Variants in ZNF225 observed in about 807,000 individuals in gnomAD.
ZNF225 encodes the protein zinc finger protein 225.
ZNF225 carries 6 observed loss-of-function variants against 12.0 expected under a neutral mutation model. The ratio of observed to expected loss-of-function variants is 0.50; its 90% CI spans 0.27 to 0.98. The LOEUF (loss-of-function observed/expected upper bound fraction) is 0.98. Among genes scored for constraint, ZNF225 ranks in the 50% least tolerant of loss-of-function variants. ZNF225 has a pLI of 0.11. For missense variants in ZNF225, 763 were observed against 848.2 expected (o/e 0.90, Z 1.25); for synonymous variants, 271 against 283.2 (o/e 0.96, Z 0.43).
intron 4 of ZNF225, among the ~76,000 whole-genome samples, chr19:44,122,697 T>C (rs893278910): frequency 3.3e-5 from 5 of 152,198 alleles, no homozygotes; most frequent in African/African-American, 9.7e-5. Context: ...TAGTTTTCCT[T>C]GTAGAGGTCT....
intron 4 of ZNF225, among the ~76,000 whole-genome samples, chr19:44,128,206 T>G (rs1449844731): frequency 6.6e-6 from 1 of 152,238 alleles, no homozygotes; most frequent in African/African-American, 2.4e-5. Flanking sequence ...AAGTCACACA[T>G]CTGAATGTTG....
At position 44,130,775 on chromosome 19, in the gene ZNF225, T is replaced by C; in HGVS notation, c.236-75T>C. On this transcript the variant is annotated intron_variant, in intron 4 of 4. Coordinates refer to ENST00000262894, the MANE Select transcript of ZNF225 (RefSeq NM_013362.4). ...ATATTTATTAAAATTTCAGGCTATG[T>C]CCTAAGTATGAAATCTTGATAACAC... 10 of 1,318,368 alleles carry C rather than the reference T, an allele frequency of 7.6e-6. No individual in the cohort carries two copies. The South Asian group carries it at 1.2e-4, about 15-fold the overall frequency. 81.7% of individuals were successfully genotyped at this position (1,318,368 alleles called of 1,614,324 possible).
At chr19:44,115,143 C>CAA (rs1967917139) in intron 1 of ZNF225, among the ~76,000 whole-genome samples, 1 of 143,070 alleles carries the variant, frequency 7.0e-6, no homozygotes, top group Admixed American at 7.0e-5. Flanking sequence ...AGAATCCAGT[C>CAA]TTATTAAGTT....
At chr19:44,113,971 C>G (rs974236228) in intron 1 of ZNF225, 31 of 280,314 alleles carry the variant, frequency 1.1e-4, no homozygotes, top group African/African-American at 5.4e-4. Context: ...GAAACTCCAG[C>G]TGCAGGGGCA....
At position 44,131,937 on chromosome 19, in the gene ZNF225, G is replaced by C. The variant is rs1180838662; in HGVS notation, c.1323G>C (p.Leu441Phe). The change falls in exon 5 of 5, where the codon TTG (leucine) becomes TTC (phenylalanine). Residue 441 changes from leucine to phenylalanine, a missense_variant. By Grantham distance (22) the Leu-to-Phe change is conservative. Transcript: ENST00000262894. ...EECGKGYKRR[L>F]DLDFHQRVHR... is the part of the protein sequence containing the mutation. ...GTGGGAAGGGCTACAAAAGGAGGTT[G>C]GATCTTGACTTTCATCAGAGGGTCC... is the stretch of plus-strand genomic sequence containing the variant. The C allele has an allele frequency of 6.2e-7, 1 of 1,610,348 alleles. No homozygotes were observed. Among genetic ancestry groups the C allele is most frequent in the Non-Finnish European group, 8.5e-7 (1 of 1,178,870 alleles).
At position 44,132,898 on chromosome 19, in the gene ZNF225, G is replaced by A. The variant is rs772062065; in HGVS notation, c.*163G>A. ...TGTCCTAGCTATTTGAAAATAATAC[G>A]TTGTTAATTACTGTCACCCTGTAGT... On this transcript the variant is annotated 3_prime_UTR_variant, in exon 5 of 5. Coordinates refer to ENST00000262894, the MANE Select transcript of ZNF225 (RefSeq NM_013362.4). 3.3e-5 allele frequency: 21 copies of A among 629,950 alleles called. No individual in the cohort carries two copies. Among genetic ancestry groups the A allele is most frequent in the South Asian group, 4.6e-5 (2 of 43,022 alleles). The allele number at this position is 629,950 out of a possible 1,614,324, so 39.0% of individuals were successfully genotyped here.
At chr19:44,123,115 T>TA in intron 4 of ZNF225, among the ~76,000 whole-genome samples, 1 of 152,258 alleles carries the variant, frequency 6.6e-6, no homozygotes, top group Middle Eastern at 3.4e-3. Flanking sequence ...TATTCAGTGT[T>TA]ATGTTTGCTG....
chr19:44,121,362 A>G (rs1294440096), intron 4 of ZNF225, among the ~76,000 whole-genome samples: 1 of 152,322 alleles, frequency 6.6e-6, no homozygotes, highest in South Asian at 2.1e-4. Context: ...TCCATTGTAT[A>G]TAATACCACA....
In ZNF225 at chr19:44,115,754, T is replaced by G. The variant is rs377305169; in HGVS notation, c.-68-6T>G. ...CTCTTTTTCTGCCTTCCCTGGTACT[T>G]TCCAGGCAGGATTCTGCTTTCCCTT... On this transcript the variant is annotated splice_region_variant and splice_polypyrimidine_tract_variant and intron_variant, in intron 1 of 4. Transcript: ENST00000262894. 5.1e-5 allele frequency: 77 copies of G among 1,496,962 alleles called. No homozygotes were observed. Among genetic ancestry groups the G allele is most frequent in the Non-Finnish European group, 6.8e-5 (75 of 1,101,266 alleles). The allele number at this position is 1,496,962 out of a possible 1,614,324, so 92.7% of individuals were successfully genotyped here. A position where few individuals can be genotyped will look rare whatever the true frequency, so the allele number is the denominator to read the frequency against.
intron 4 of ZNF225, chr19:44,129,321 T>C (rs2284980): frequency 0.82 from 299,474 of 364,770 alleles, 125,291 homozygotes; most frequent in Non-Finnish European, 0.88. Flanking sequence ...CCCCAAATTA[T>C]TTTCATGTTC....
rs897963482 is a variant in ZNF225, at chr19:44,117,693, T to G, written c.16-495T>G. 2.0e-5 allele frequency among the ~76,000 whole-genome samples: 3 copies of G among 152,184 alleles called. No homozygotes were observed. In the South Asian group the frequency reaches 6.2e-4, roughly 31 times the overall value. ...TTCTGGTGGAGCTCAGGAAAATCCATCATTATCAGGATACAGACAGAATGA... is the reference window on the plus strand; with the variant it reads ...TTCTGGTGGAGCTCAGGAAAATCCAGCATTATCAGGATACAGACAGAATGA... On this transcript the variant is annotated intron_variant, in intron 2 of 4. Coordinates refer to ENST00000262894, the MANE Select transcript of ZNF225 (RefSeq NM_013362.4).
At chr19:44,127,629 T>C (rs908244870) in intron 4 of ZNF225, among the ~76,000 whole-genome samples, 3 of 152,148 alleles carry the variant, frequency 2.0e-5, no homozygotes, top group African/African-American at 7.2e-5. Flanking sequence ...CCTTTTATTT[T>C]ATTTTTCTTT....
At chr19:44,118,071 C>G in intron 2 of ZNF225, 117 bp from the exon 3 acceptor site, 3 of 1,116,412 alleles carry the variant, frequency 2.7e-6, no homozygotes, top group Non-Finnish European at 3.6e-6. Context: ...GTGTGTTGAC[C>G]TATGTCTCTC....
chr19:44,123,247 G>A (rs1340093596), intron 4 of ZNF225, among the ~76,000 whole-genome samples: 1 of 152,114 alleles, frequency 6.6e-6, no homozygotes, highest in Non-Finnish European at 1.5e-5. Context: ...CTATTGAGAT[G>A]ATCAAGTGAT....
intron 4 of ZNF225, chr19:44,130,292 A>C (rs1968219444): frequency 6.6e-6 from 1 of 151,944 alleles, no homozygotes; most frequent in African/African-American, 2.4e-5. Flanking sequence ...CTAGCTACTC[A>C]GGAGGCAGAG....
chr19:44,113,091 T>G (rs1967862177), upstream of ZNF225: 2 of 152,150 alleles, frequency 1.3e-5, no homozygotes. Flanking sequence ...ATTTTGAGCG[T>G]TTTTCCTTCA....
Position 44,131,789 on chromosome 19 carries a change from G to A in ZNF225, c.1175G>A (p.Arg392Gln), listed in dbSNP as rs1250455443. 9.3e-6 allele frequency: 15 copies of A among 1,614,090 alleles called. No homozygotes were observed. The highest frequency in any genetic ancestry group is 2.7e-5 in the African/African-American group (2 of 74,934). The change falls in exon 5 of 5, where the codon CGA becomes CAA. Residue 392 changes from arginine to glutamine, a missense_variant. Transcript: ENST00000262894. Reference protein sequence around the residue: ...RWASGLSRHVRVHSGETTFKC... With the variant: ...RWASGLSRHVQVHSGETTFKC... ...GCCTCAGGTCTTTCAAGACATGTGC[G>A]AGTCCACAGTGGAGAGACAACATTC...
intron 2 of ZNF225, among the ~76,000 whole-genome samples, chr19:44,116,935 A>T (rs1967953486): frequency 6.8e-6 from 1 of 147,028 alleles, no homozygotes. Flanking sequence ...ATTTAAAATT[A>T]TTTTAAATAA....
rs775610091 is a variant in ZNF225 at position 44,131,188 on chromosome 19, C to A, written c.574C>A (p.Arg192Ser). ...GKSFCYSSAL[R>S]IHQRVHMGEK... ...GAGTTTCTGTTATAGCTCAGCTCTT[C>A]GTATTCATCAGAGAGTTCACATGGG... The change falls in exon 5 of 5, where the codon CGT becomes AGT. Residue 192 changes from arginine (R) to serine (S), a missense_variant. Transcript: ENST00000262894. The A allele has an allele frequency of 6.2e-7, 1 of 1,614,120 alleles. No individual in the cohort carries two copies. The highest frequency in any genetic ancestry group is 1.7e-5 in the Admixed American group (1 of 60,014).
Sources: allele counts gnomAD v4.1 joint callset (sites outside exome capture counted in the v4.1 genomes callset), GRCh38; gene constraint gnomAD v4.1.1; transcripts MANE v1.5; gene names NCBI Gene and HGNC (gene_info 2026-07-23, HGNC 2026-07-21).